FHIP2A: variants seen among roughly 807,000 people sequenced by gnomAD.
FHIP2A encodes FHF complex subunit HOOK interacting protein 2A.
Under a neutral mutation model 93.5 loss-of-function variants are expected in FHIP2A, and 46 were observed. That is an observed-to-expected ratio of 0.49 (90% CI 0.39 to 0.63). The LOEUF (loss-of-function observed/expected upper bound fraction) is 0.63, where lower values mean the gene tolerates loss of function less well. FHIP2A is among the 20% of genes least tolerant of loss of function. FHIP2A has a pLI of 0.00. For synonymous variants in FHIP2A, 332 were observed against 326.5 expected (o/e 1.02, Z -0.18); for missense variants, 769 against 909.7 (o/e 0.85, Z 1.99).
At chr10:114,876,746 TCAGCAC>T (rs1566384843) in intron 16 of FHIP2A, among the ~76,000 whole-genome samples, 1 of 152,104 alleles carries the variant, frequency 6.6e-6, no homozygotes, top group African/African-American at 2.4e-5. Context: ...GGGCCAGGGC[TCAGCAC>T]GGCCCCCTGG....
At chr10:114,893,919 A>G (rs1004458580) in intron 16 of FHIP2A, among the ~76,000 whole-genome samples, 3 of 152,200 alleles carry the variant, frequency 2.0e-5, no homozygotes, top group African/African-American at 7.2e-5. Context: ...AGAGAGAGAC[A>G]GGAGAAAATA....
chr10:114,868,244 AGCAGGAGGTGAGTGGCAGGCGACCACC>A (rs2083840454), downstream of FHIP2A, among the ~76,000 whole-genome samples: 1 of 152,176 alleles, frequency 6.6e-6, no homozygotes, highest in Non-Finnish European at 1.5e-5. Context: ...TGGGCTGCAT[AGCAGGAGGTGAGTGGCAGGCGACCACC>A]TGAGCTCTGC....
intron 3 of FHIP2A, among the ~76,000 whole-genome samples, chr10:114,835,080 G>T: frequency 6.6e-6 from 1 of 151,862 alleles, no homozygotes; most frequent in East Asian, 1.9e-4. Flanking sequence ...ATTTACATGT[G>T]TGTTAGGAGG....
At chr10:114,875,732 GAGAGAAAGAAAGAAAGAA>G (rs1264133284) in intron 16 of FHIP2A, among the ~76,000 whole-genome samples, 75 of 143,902 alleles carry the variant, frequency 5.2e-4, no homozygotes, top group African/African-American at 1.8e-3. Flanking sequence ...GAAAGAAAGA[GAGAGAAAGAAAGAAAGAA>G]AGAGAAAGAA....
chr10:114,876,279 C>T (rs958224435), intron 16 of FHIP2A, among the ~76,000 whole-genome samples: 1 of 152,176 alleles, frequency 6.6e-6, no homozygotes, highest in South Asian at 2.1e-4. Flanking sequence ...TGCAGGTCCA[C>T]GTCATCTCTG....
chr10:114,855,186 T>G lies in FHIP2A; in HGVS notation c.1804-11T>G. 2 of 1,596,968 alleles carry G rather than the reference T, an allele frequency of 1.3e-6. No homozygotes were observed. Among genetic ancestry groups the G allele is most frequent in the Non-Finnish European group, 1.7e-6 (2 of 1,173,470 alleles). The stretch of plus-strand genomic sequence containing the variant: ...TGTTCTTTAATGATTCACATGCTTT[T>G]TTCCCCCTAGTTCCGAGACTACTGT... On this transcript the variant is annotated splice_polypyrimidine_tract_variant and intron_variant, in intron 13 of 16. Transcript: ENST00000369248.
chr10:114,875,922 AAG>A (rs1179744909), intron 16 of FHIP2A, among the ~76,000 whole-genome samples: 1 of 150,590 alleles, frequency 6.6e-6, no homozygotes, highest in Non-Finnish European at 1.5e-5. Context: ...GAAAGAAAGA[AAG>A]AAAGAAAGAG....
intron 1 of FHIP2A, among the ~76,000 whole-genome samples, chr10:114,822,508 G>C (rs1592009859): frequency 6.6e-6 from 1 of 152,196 alleles, no homozygotes; most frequent in African/African-American, 2.4e-5. Context: ...CTCCCTTAAC[G>C]TTAACCTTCT....
Position 114,861,937 on chromosome 10 carries a change from C to G in FHIP2A, c.*397C>G. The G allele has an allele frequency of 1.0e-6, 1 of 986,468 alleles. No homozygotes were observed. Among genetic ancestry groups the G allele is most frequent in the Non-Finnish European group, 1.2e-6 (1 of 830,582 alleles). The allele number at this position is 986,468 out of a possible 1,614,324, so 61.1% of individuals were successfully genotyped here. A position where few individuals can be genotyped will look rare whatever the true frequency, so the allele number is the denominator to read the frequency against. ...TCTCTGGGACTCAAATGCTTGTATT[C>G]TTTTGGATTAATAAGTAGCAAAAAA... On this transcript the variant is annotated 3_prime_UTR_variant, in exon 17 of 17. Coordinates refer to ENST00000369248, the MANE Select transcript of FHIP2A (RefSeq NM_020940.4).
At chr10:114,876,492 G>A (rs1013726253) in intron 16 of FHIP2A, among the ~76,000 whole-genome samples, 1 of 152,190 alleles carries the variant, frequency 6.6e-6, no homozygotes, top group Admixed American at 6.5e-5. Context: ...CTACCACAGA[G>A]GGTTGTTGTA....
intron 16 of FHIP2A, among the ~76,000 whole-genome samples, chr10:114,892,524 G>T (rs1370697239): frequency 6.6e-6 from 1 of 152,120 alleles, no homozygotes; most frequent in East Asian, 1.9e-4. Context: ...TGCAGTACCA[G>T]CTACTTGGGA....
chr10:114,849,017 C>CT lies in FHIP2A; in HGVS notation c.1803+281dup, dbSNP rs200146123. On this transcript the variant is annotated intron_variant, in intron 13 of 16. Transcript: ENST00000369248. ...ATTAGCCAGGCATGGTGACAGGCGCCTGTAGTCCCAGCTACTCAGGAGGCT... is the reference window on the plus strand; with the variant it reads ...ATTAGCCAGGCATGGTGACAGGCGCCTTGTAGTCCCAGCTACTCAGGAGGCT... Among the ~76,000 whole-genome samples, 1,021 of 150,510 alleles carry CT rather than the reference C, an allele frequency of 6.8e-3. 7 individuals are homozygous for CT. Among genetic ancestry groups the CT allele is most frequent in the African/African-American group, 0.024 (983 of 41,028 alleles).
At chr10:114,838,353 G>A (rs1220047792) in intron 5 of FHIP2A, among the ~76,000 whole-genome samples, 2 of 152,036 alleles carry the variant, frequency 1.3e-5, no homozygotes, top group African/African-American at 4.8e-5. Flanking sequence ...TGGTGGTAAG[G>A]ACTACGCATG....
chr10:114,896,475 C>G (rs1415483285), intron 16 of FHIP2A, among the ~76,000 whole-genome samples: 1 of 152,196 alleles, frequency 6.6e-6, no homozygotes. Context: ...AAAACTCAAG[C>G]TGGAAACTGC....
At chr10:114,849,484 A>T (rs759658338) in intron 13 of FHIP2A, among the ~76,000 whole-genome samples, 6 of 152,050 alleles carry the variant, frequency 3.9e-5, no homozygotes, top group Non-Finnish European at 5.9e-5. Flanking sequence ...CACTCAAACG[A>T]CTTGCTCAAA....
chr10:114,828,973 G>T (rs1379840793), intron 1 of FHIP2A, among the ~76,000 whole-genome samples: 1 of 152,064 alleles, frequency 6.6e-6, no homozygotes, highest in Non-Finnish European at 1.5e-5. Context: ...TTTCTAATTT[G>T]GACAATAGTT....
At chr10:114,897,030 T>C (rs559307357) in intron 16 of FHIP2A, among the ~76,000 whole-genome samples, 1 of 152,340 alleles carries the variant, frequency 6.6e-6, no homozygotes, top group East Asian at 1.9e-4. Flanking sequence ...AAATATCTGC[T>C]AGCCGTAATA....
At chr10:114,883,790 G>A (rs944627222) in intron 16 of FHIP2A, among the ~76,000 whole-genome samples, 5 of 152,158 alleles carry the variant, frequency 3.3e-5, no homozygotes, top group African/African-American at 9.7e-5. Flanking sequence ...ATGTTGGTCA[G>A]GCTGGTCTCG....
Position 114,831,066 on chromosome 10 carries a change from A to G in FHIP2A, c.124+136A>G, listed in dbSNP as rs1318144410. 5.4e-6 allele frequency: 3 copies of G among 560,258 alleles called. No individual in the cohort carries two copies. The East Asian group carries it at 9.4e-5, about 18-fold the overall frequency. The allele number at this position is 560,258 out of a possible 1,614,324, so 34.7% of individuals were successfully genotyped here. On this transcript the variant is annotated intron_variant, in intron 2 of 16. Transcript: ENST00000369248. Reference sequence around the variant, plus strand: ...TATAGACAATCTTATCTTTGTCTTTAAGATTCAGTCACTCATTTAAAAATA... The same window carrying G: ...TATAGACAATCTTATCTTTGTCTTTGAGATTCAGTCACTCATTTAAAAATA...
Sources: allele counts gnomAD v4.1 joint callset (sites outside exome capture counted in the v4.1 genomes callset), GRCh38; gene constraint gnomAD v4.1.1; transcripts MANE v1.5; gene names NCBI Gene and HGNC (gene_info 2026-07-23, HGNC 2026-07-21).